The following GLCCI1 variants were observed in gnomAD, a reference collection of about 807,000 sequenced individuals.
GLCCI1 encodes glucocorticoid-induced transcript 1 protein.
In GLCCI1, 24 loss-of-function variants were observed where a neutral mutation model predicts 52.2. The ratio of observed to expected loss-of-function variants is 0.46; its 90% CI spans 0.33 to 0.65. The LOEUF (loss-of-function observed/expected upper bound fraction) is 0.65. Among genes scored for constraint, GLCCI1 ranks in the 30% least tolerant of loss-of-function variants. The pLI is 0.02. For missense variants in GLCCI1, 704 were observed against 701.5 expected, an observed-to-expected ratio of 1.00 and a Z score of -0.04; for synonymous variants, 310 against 276.5, an observed-to-expected ratio of 1.12 and a Z score of -1.20.
intron 1 of GLCCI1, among the ~76,000 whole-genome samples, chr7:8,002,674 A>G (rs563794249): frequency 1.3e-5 from 2 of 152,336 alleles, no homozygotes; most frequent in South Asian, 4.1e-4. Flanking sequence ...ACCCCCTGTA[A>G]AGAGGAAGGC....
In GLCCI1 at chr7:8,000,116, A is replaced by T. The variant is rs552701066; in HGVS notation, c.458-3792A>T. Among the ~76,000 whole-genome samples, 14 of 152,284 alleles carry T rather than the reference A, an allele frequency of 9.2e-5. No homozygotes were observed. In the East Asian group the frequency reaches 2.7e-3, roughly 29 times the overall value. Reference sequence around the variant, plus strand: ...AGCTGACCTTTATATAGGCCTTTTAAATTTAGAGGTCAACTGATAAATGTC... The same window carrying T: ...AGCTGACCTTTATATAGGCCTTTTATATTTAGAGGTCAACTGATAAATGTC... On this transcript the variant is annotated intron_variant, in intron 1 of 7. Coordinates refer to ENST00000223145, the MANE Select transcript of GLCCI1 (RefSeq NM_138426.4).
chr7:8,039,866 G>A (rs1000078680), intron 3 of GLCCI1, among the ~76,000 whole-genome samples: 31 of 151,778 alleles, frequency 2.0e-4, no homozygotes, highest in Admixed American at 8.5e-4. Flanking sequence ...GCATGGTAGC[G>A]GGCTCCTGTA....
intron 5 of GLCCI1, 63 bp from the exon 6 acceptor site, chr7:8,070,858 T>G: frequency 7.2e-7 from 1 of 1,394,938 alleles, no homozygotes; most frequent in Non-Finnish European, 1.0e-6. Context: ...AAATACTATG[T>G]GCTTTCTATG....
intron 6 of GLCCI1, among the ~76,000 whole-genome samples, chr7:8,080,555 A>T (rs1782973550): frequency 6.6e-6 from 1 of 151,486 alleles, no homozygotes; most frequent in African/African-American, 2.5e-5. Flanking sequence ...TCAGGCAGTT[A>T]TAAACCTGGA....
At chr7:8,046,703 T>C (rs1782137392) in intron 3 of GLCCI1, among the ~76,000 whole-genome samples, 1 of 152,192 alleles carries the variant, frequency 6.6e-6, no homozygotes, top group East Asian at 1.9e-4. Flanking sequence ...ATGTATTTGA[T>C]TGATGCCTCA....
intron 3 of GLCCI1, among the ~76,000 whole-genome samples, chr7:8,044,582 G>A (rs182740335): frequency 1.4e-4 from 22 of 152,200 alleles, no homozygotes; most frequent in African/African-American, 4.6e-4. Context: ...TGTTGCCCAG[G>A]CTGGTCTCAA....
At chr7:7,970,326 T>G (rs1562410484) in intron 1 of GLCCI1, 1 of 152,176 alleles carries the variant, frequency 6.6e-6, no homozygotes, top group Admixed American at 6.5e-5. Context: ...GGGACAGTTT[T>G]GAATGTACAA....
intron 3 of GLCCI1, among the ~76,000 whole-genome samples, chr7:8,037,227 G>T (rs1003450726): frequency 6.6e-6 from 1 of 152,124 alleles, no homozygotes; most frequent in Non-Finnish European, 1.5e-5. Context: ...GAAGAGGTTG[G>T]GTGCCTAATT....
chr7:8,073,911 C>T lies in GLCCI1; in HGVS notation c.1177+2780C>T, dbSNP rs185126802. Among the ~76,000 whole-genome samples, 19 of 152,298 alleles carry T rather than the reference C, an allele frequency of 1.2e-4. No homozygotes were observed. In the East Asian group the frequency reaches 3.7e-3, roughly 29 times the overall value. ...GTTGATGTTACTACTCCCTGGAAAA[C>T]TGTGTAGCTCTCTGTTATGCAATAC... On this transcript the variant is annotated intron_variant, in intron 6 of 7. Coordinates refer to ENST00000223145, the MANE Select transcript of GLCCI1 (RefSeq NM_138426.4).
Position 7,969,328 on chromosome 7 carries a change from C to T in GLCCI1, c.-23C>T. On this transcript the variant is annotated 5_prime_UTR_variant, in exon 1 of 8. Transcript: ENST00000223145. The surrounding 1 kb of genome is among the most constrained non-coding windows in gnomAD (Gnocchi z 4.9). ...CCCGCGCCTCCGTGTCGGCCGGCGG[C>T]GTCCAGGGCCCGCAGAGCCACCATG... is the stretch of plus-strand genomic sequence containing the variant. 1 of 1,433,834 alleles carries T rather than the reference C, an allele frequency of 7.0e-7. No individual in the cohort carries two copies. Among genetic ancestry groups the T allele is most frequent in the East Asian group, 2.9e-5 (1 of 34,136 alleles). 88.8% of individuals were successfully genotyped at this position (1,433,834 alleles called of 1,614,324 possible). A position where few individuals can be genotyped will look rare whatever the true frequency, so the allele number is the denominator to read the frequency against.
chr7:8,024,665 C>T (rs1023289881), intron 3 of GLCCI1: 6 of 152,156 alleles, frequency 3.9e-5, no homozygotes, highest in African/African-American at 1.4e-4. Context: ...GACATACACT[C>T]TTAAAAAGGA....
intron 6 of GLCCI1, chr7:8,078,528 A>C (rs1454207878): frequency 6.6e-6 from 1 of 152,252 alleles, no homozygotes; most frequent in Non-Finnish European, 1.5e-5. Flanking sequence ...AAACTGTTAA[A>C]GTTTACCTGT....
At chr7:8,014,788 T>C (rs1414180738) in intron 2 of GLCCI1, among the ~76,000 whole-genome samples, 3 of 152,220 alleles carry the variant, frequency 2.0e-5, no homozygotes, top group Non-Finnish European at 4.4e-5. Context: ...TTTCAAAACT[T>C]GTATTCTCTG....
chr7:8,033,932 A>G (rs996132516), intron 3 of GLCCI1, among the ~76,000 whole-genome samples: 1 of 152,180 alleles, frequency 6.6e-6, no homozygotes, highest in African/African-American at 2.4e-5. Context: ...GGAAATACAA[A>G]GGATCTAGAA....
intron 1 of GLCCI1, among the ~76,000 whole-genome samples, chr7:7,971,972 G>A (rs979611544): frequency 6.6e-5 from 10 of 152,192 alleles, no homozygotes; most frequent in Middle Eastern, 3.4e-3. Flanking sequence ...GCGGGCTTCT[G>A]TGCCCCCAGT....
rs149195175 is a variant in GLCCI1 at position 8,027,517 on chromosome 7, C to A, written c.696+4948C>A. On this transcript the variant is annotated intron_variant, in intron 3 of 7. Coordinates refer to ENST00000223145, the MANE Select transcript of GLCCI1 (RefSeq NM_138426.4). ...ATAAAAGGAAGAAGGCATACCACCA[C>A]AAAAAAATCACCAAAAGGAAGACAA... Among the ~76,000 whole-genome samples the A allele has an allele frequency of 2.2e-3, 328 of 151,036 alleles. 2 individuals are homozygous for A. The highest frequency in any genetic ancestry group is 7.6e-3 in the African/African-American group (311 of 41,084).
At chr7:8,053,588 G>A (rs1782317925) in intron 3 of GLCCI1, among the ~76,000 whole-genome samples, 2 of 151,302 alleles carry the variant, frequency 1.3e-5, no homozygotes, top group African/African-American at 2.4e-5. Flanking sequence ...GCCTCCCAGA[G>A]TGCTGGGATT....
chr7:8,043,615 G>C (rs1442035668), intron 3 of GLCCI1, among the ~76,000 whole-genome samples: 1 of 152,032 alleles, frequency 6.6e-6, no homozygotes, highest in African/African-American at 2.4e-5. Flanking sequence ...AAATTTGGGG[G>C]GTGATGAAAA....
At chr7:8,039,286 C>T (rs897333081) in intron 3 of GLCCI1, among the ~76,000 whole-genome samples, 3 of 152,124 alleles carry the variant, frequency 2.0e-5, no homozygotes, top group Non-Finnish European at 4.4e-5. Context: ...TCGGAGACAC[C>T]TCCACTCACA....
Sources: gnomAD v4.1 joint callset for allele counts (sites outside exome capture counted in the v4.1 genomes callset) on GRCh38, gnomAD v4.1.1 for gene constraint, Gnocchi (gnomAD v3.1) non-coding constraint, MANE v1.5 for transcripts, NCBI Gene and HGNC (gene_info 2026-07-23, HGNC 2026-07-21) for gene names.